The following MAGI1 variants were observed in gnomAD, a reference collection of about 807,000 sequenced individuals.
MAGI1 encodes membrane-associated guanylate kinase, WW and PDZ domain-containing protein 1.
Under a neutral mutation model 139.9 loss-of-function variants are expected in MAGI1, and 58 were observed. The ratio of observed to expected loss-of-function variants is 0.41; its 90% CI spans 0.34 to 0.52. The LOEUF (loss-of-function observed/expected upper bound fraction) is 0.52, where lower values mean the gene tolerates loss of function less well. Ranked by LOEUF, MAGI1 falls within the 20% of genes least tolerant of loss-of-function variation. The pLI is 0.12. For missense variants in MAGI1, 1,874 were observed against 1,901.6 expected (o/e 0.99, Z 0.27); for synonymous variants, 812 against 737.9 (o/e 1.10, Z -1.63).
At chr3:65,598,421 T>C (rs1163706750) in intron 2 of MAGI1, among the ~76,000 whole-genome samples, 1 of 152,190 alleles carries the variant, frequency 6.6e-6, no homozygotes, top group Non-Finnish European at 1.5e-5. Flanking sequence ...TGGTTAGGGA[T>C]ACAACCCTGA....
chr3:65,843,658 T>C (rs1283650199), intron 1 of MAGI1, among the ~76,000 whole-genome samples: 1 of 152,104 alleles, frequency 6.6e-6, no homozygotes, highest in Admixed American at 6.5e-5. Context: ...TTCATTTCGC[T>C]CTCCTCATCA....
intron 1 of MAGI1, among the ~76,000 whole-genome samples, chr3:65,653,973 A>T (rs998260940): frequency 5.3e-5 from 8 of 152,180 alleles, no homozygotes; most frequent in Non-Finnish European, 1.2e-4. Flanking sequence ...ATGCAAGGCA[A>T]ATGAACTAGA....
At chr3:65,561,193 C>T (rs1295987106) in intron 2 of MAGI1, among the ~76,000 whole-genome samples, 2 of 152,170 alleles carry the variant, frequency 1.3e-5, no homozygotes, top group East Asian at 1.9e-4. Flanking sequence ...CAGCTATCTT[C>T]TTTTTCTATC....
intron 1 of MAGI1, among the ~76,000 whole-genome samples, chr3:65,846,983 A>AAAAAAAAAAAC (rs1553716724): frequency 6.8e-5 from 10 of 147,484 alleles, no homozygotes; most frequent in South Asian, 2.2e-4. Flanking sequence ...TTACAAAAAA[A>AAAAAAAAAAAC]AAAAAAAAAA....
intron 1 of MAGI1, among the ~76,000 whole-genome samples, chr3:65,647,993 A>C (rs1014899361): frequency 6.6e-6 from 1 of 152,194 alleles, no homozygotes; most frequent in Non-Finnish European, 1.5e-5. Flanking sequence ...TAAATCAGAA[A>C]GGAGGAAATT....
rs1162993612 is a variant in MAGI1 at position 65,355,649 on chromosome 3, T to C, written c.*729A>G. On this transcript the variant is annotated 3_prime_UTR_variant, in exon 23 of 23. Coordinates refer to ENST00000402939, the MANE Select transcript of MAGI1 (RefSeq NM_001033057.2). ...TTGGTGATGATCACGAACCTGACTGTCTGTGCTTGGGCTGTATTTGAGTAA... is the reference window on the plus strand; with the variant it reads ...TTGGTGATGATCACGAACCTGACTGCCTGTGCTTGGGCTGTATTTGAGTAA... 6.5e-6 allele frequency: 1 copy of C among 152,694 alleles called. No individual in the cohort carries two copies. The highest frequency in any genetic ancestry group is 1.5e-5 in the Non-Finnish European group (1 of 68,062). The allele number at this position is 152,694 out of a possible 1,614,324, so 9.5% of individuals were successfully genotyped here. A position where few individuals can be genotyped will look rare whatever the true frequency, so the allele number is the denominator to read the frequency against.
chr3:65,659,546 T>A (rs2086075837), intron 1 of MAGI1, among the ~76,000 whole-genome samples: 1 of 152,126 alleles, frequency 6.6e-6, no homozygotes, highest in Admixed American at 6.6e-5. Flanking sequence ...CAGAGAAATC[T>A]CCACCTTTTT....
chr3:65,641,414 C>T (rs73835617), intron 1 of MAGI1, among the ~76,000 whole-genome samples: 1,723 of 152,302 alleles, frequency 0.011, 35 homozygotes, highest in African/African-American at 0.039. Context: ...TAGGGAAGGA[C>T]TAGGCATCGG....
chr3:65,638,288 A>G (rs1333137715), intron 1 of MAGI1, among the ~76,000 whole-genome samples: 3 of 152,184 alleles, frequency 2.0e-5, no homozygotes, highest in Admixed American at 1.3e-4. Flanking sequence ...CTTGAAAGTG[A>G]CATGATTCAA....
intron 1 of MAGI1, among the ~76,000 whole-genome samples, chr3:66,007,696 A>C (rs1020821940): frequency 6.6e-6 from 1 of 152,108 alleles, no homozygotes; most frequent in African/African-American, 2.4e-5. Flanking sequence ...GATGGGCTTG[A>C]CTCAAACAAG....
At chr3:65,634,138 C>A (rs9813241) in intron 1 of MAGI1, among the ~76,000 whole-genome samples, 7,295 of 152,216 alleles carry the variant, frequency 0.048, 576 homozygotes, top group African/African-American at 0.16. Context: ...GTTGCCCCAT[C>A]ACCCAGGTAG....
At chr3:65,634,786 A>G (rs929821938) in intron 1 of MAGI1, among the ~76,000 whole-genome samples, 1 of 152,134 alleles carries the variant, frequency 6.6e-6, no homozygotes, top group Non-Finnish European at 1.5e-5. Flanking sequence ...TTGACTATGA[A>G]CTCAAAGTTC....
At chr3:65,708,722 A>C (rs1004381845) in intron 1 of MAGI1, among the ~76,000 whole-genome samples, 10 of 152,188 alleles carry the variant, frequency 6.6e-5, no homozygotes, top group African/African-American at 2.4e-4. Flanking sequence ...AAACGGGGGA[A>C]GGACAGAGAA....
At chr3:65,444,451 G>A (rs879634903) in intron 7 of MAGI1, among the ~76,000 whole-genome samples, 1 of 138,482 alleles carries the variant, frequency 7.2e-6, no homozygotes, top group Non-Finnish European at 1.6e-5. Flanking sequence ...TGAGGAGACC[G>A]CATTAAGTTT....
At chr3:65,509,689 T>A (rs2077479063) in intron 2 of MAGI1, among the ~76,000 whole-genome samples, 1 of 151,648 alleles carries the variant, frequency 6.6e-6, no homozygotes, top group African/African-American at 2.4e-5. Context: ...AGCACAGCAG[T>A]CTGAGATCAA....
At chr3:65,357,741 T>C (rs1940336798) in intron 22 of MAGI1, among the ~76,000 whole-genome samples, 1 of 151,978 alleles carries the variant, frequency 6.6e-6, no homozygotes, top group Non-Finnish European at 1.5e-5. Context: ...CATTTTACCA[T>C]ATGCAGAAGT....
At chr3:65,656,775 A>G (rs1405423165) in intron 1 of MAGI1, among the ~76,000 whole-genome samples, 1 of 152,062 alleles carries the variant, frequency 6.6e-6, no homozygotes, top group East Asian at 1.9e-4. Flanking sequence ...AAGTGGGCAG[A>G]TCATTTGAGG....
At chr3:65,361,165 G>A in intron 22 of MAGI1, 34 bp downstream of exon 22, 1 of 1,614,122 alleles carries the variant, frequency 6.2e-7, no homozygotes, top group South Asian at 1.1e-5. Context: ...AGTCATGCCA[G>A]GGAAGGAAGG....
intron 13 of MAGI1, 99 bp downstream of exon 13, chr3:65,401,340 C>G: frequency 6.9e-7 from 1 of 1,442,188 alleles, no homozygotes; most frequent in Admixed American, 2.0e-5. Context: ...CTGTAAAACA[C>G]ATTTAGTGAA....
Sources: allele counts gnomAD v4.1 joint callset (sites outside exome capture counted in the v4.1 genomes callset), GRCh38; gene constraint gnomAD v4.1.1; transcripts MANE v1.5; gene names NCBI Gene and HGNC (gene_info 2026-07-23, HGNC 2026-07-21).